Variants in C20orf203 observed in about 807,000 individuals in gnomAD.
C20orf203 encodes the protein uncharacterized protein C20orf203.
In C20orf203, 16 loss-of-function variants were observed where a neutral mutation model predicts 15.9. The observed-to-expected ratio is 1.01, with a 90% confidence interval of 0.68 to 1.53. The LOEUF (loss-of-function observed/expected upper bound fraction) is 1.53. Ranked by LOEUF, C20orf203 falls within the 40% of genes most tolerant of loss-of-function variation. The probability of loss-of-function intolerance (pLI) is 0.00; values close to 1 mark genes in which losing one functional copy is unlikely to be tolerated. For synonymous variants in C20orf203, 98 were observed against 97.2 expected, an observed-to-expected ratio of 1.01 and a Z score of -0.05; for missense variants, 263 against 247.5, an observed-to-expected ratio of 1.06 and a Z score of -0.42.
intron 5 of C20orf203, 87 bp downstream of exon 5, chr20:32,640,479 G>A (rs1388439626): frequency 1.3e-5 from 2 of 152,060 alleles, no homozygotes; most frequent in Non-Finnish European, 2.9e-5. Flanking sequence ...ATCACTTGAG[G>A]TAAAGAGTTT....
At chr20:32,652,347 A>G (rs1436550082) in intron 1 of C20orf203, among the ~76,000 whole-genome samples, 1 of 150,686 alleles carries the variant, frequency 6.6e-6, no homozygotes, top group East Asian at 1.9e-4. Flanking sequence ...AAAAAAAAAA[A>G]AGCAAATACC....
At chr20:32,645,860 G>T (rs1982411677) in intron 4 of C20orf203, among the ~76,000 whole-genome samples, 1 of 152,222 alleles carries the variant, frequency 6.6e-6, no homozygotes, top group Non-Finnish European at 1.5e-5. Flanking sequence ...CTTTTTCCCA[G>T]TCCAGTACAG....
chr20:32,666,797 TTATA>T lies in C20orf203; in HGVS notation c.-264+6831_-264+6834del, dbSNP rs34933326. Among the ~76,000 whole-genome samples, 552 of 65,602 alleles carry T rather than the reference TTATA, an allele frequency of 8.4e-3. 33 individuals carry two copies. Among genetic ancestry groups the T allele is most frequent in the African/African-American group, 0.023 (517 of 22,816 alleles). The allele number at this position is 65,602 out of a possible 152,430, so 43.0% of individuals were successfully genotyped here. The stretch of plus-strand genomic sequence containing the variant: ...AAAAAAAGATGAAATTAATTTTAAT[TTATA>T]TATATATATATATATATATATATAG... On this transcript the variant is annotated intron_variant, in intron 1 of 5. Transcript: ENST00000608990.
intron 4 of C20orf203, among the ~76,000 whole-genome samples, chr20:32,648,428 CTTTTTTTTTTTTTTTT>C (rs56838832): frequency 1.6e-4 from 13 of 80,334 alleles, no homozygotes; most frequent in East Asian, 8.3e-4. Context: ...CTGAAACTGT[CTTTTTTTTTTTTTTTT>C]TTTTTTTTTT....
rs766758220 is a variant in C20orf203, at chr20:32,651,201, G to T, written c.-14-35C>A. 1.2e-4 allele frequency: 60 copies of T among 511,010 alleles called. 2 individuals are homozygous for T. The South Asian group carries it at 1.7e-3, about 14-fold the overall frequency. The allele number at this position is 511,010 out of a possible 1,614,324, so 31.7% of individuals were successfully genotyped here. ...AAAAAAAAAAAAAAAAAATTAGCTG[G>T]GTGTGTTGGCTTGCGCCTGAGGGTT... On this transcript the variant is annotated intron_variant, in intron 2 of 5. Coordinates refer to ENST00000608990, the MANE Select transcript of C20orf203 (RefSeq NM_182584.4).
intron 1 of C20orf203, among the ~76,000 whole-genome samples, chr20:32,669,929 C>T (rs980236460): frequency 1.2e-4 from 19 of 152,338 alleles, no homozygotes; most frequent in Middle Eastern, 3.4e-3. Flanking sequence ...CGGCCGGGCA[C>T]AGTTGCTTAC....
chr20:32,636,750 T>A (rs1600924608), intron 5 of C20orf203, among the ~76,000 whole-genome samples: 1 of 152,296 alleles, frequency 6.6e-6, no homozygotes, highest in Middle Eastern at 3.4e-3. Context: ...CCTGACATCC[T>A]CAGAGAAGTG....
intron 4 of C20orf203, among the ~76,000 whole-genome samples, chr20:32,642,697 G>A (rs1168165464): frequency 6.6e-6 from 1 of 152,102 alleles, no homozygotes; most frequent in African/African-American, 2.4e-5. Context: ...GGCGGGCAGG[G>A]AACTGGTGGG....
At position 32,650,840 on chromosome 20, in the gene C20orf203, G is replaced by T; in HGVS notation, c.177C>A (p.Asp59Glu). 1 of 1,467,650 alleles carries T rather than the reference G, an allele frequency of 6.8e-7. No homozygotes were observed. 90.9% of individuals were successfully genotyped at this position (1,467,650 alleles called of 1,614,324 possible). A position where few individuals can be genotyped will look rare whatever the true frequency, so the allele number is the denominator to read the frequency against. The change falls in exon 4 of 6, where the codon GAC (aspartate) becomes GAA (glutamate). Residue 59 changes from aspartate to glutamate, a missense_variant. Coordinates refer to ENST00000608990, the MANE Select transcript of C20orf203 (RefSeq NM_182584.4). The part of the protein sequence containing the change: ...VLAGLTAHLW[D>E]LGGGAGRRTS... ...TCCTCCTTCCCGCCCCACCGCCAAG[G>T]TCCCAGAGGTGGGCAGTGAGTCCAG...
At position 32,650,828 on chromosome 20, in the gene C20orf203, C is replaced by A; in HGVS notation, c.189G>T (p.Gly63=). 1 of 1,472,706 alleles carries A rather than the reference C, an allele frequency of 6.8e-7. No individual in the cohort carries two copies. Among genetic ancestry groups the A allele is most frequent in the South Asian group, 1.4e-5 (1 of 72,466 alleles). 91.2% of individuals were successfully genotyped at this position (1,472,706 alleles called of 1,614,324 possible). The change falls in exon 4 of 6, where the codon GGG becomes GGT. Residue 63 remains glycine, a synonymous_variant. Coordinates refer to ENST00000608990, the MANE Select transcript of C20orf203 (RefSeq NM_182584.4). ...LTAHLWDLGG[G]AGRRTSKAQR... is the part of the protein sequence containing the mutation. ...GAGCCTTTGAGGTCCTCCTTCCCGC[C>A]CCACCGCCAAGGTCCCAGAGGTGGG...
intron 4 of C20orf203, among the ~76,000 whole-genome samples, chr20:32,643,087 G>A (rs1982328415): frequency 6.6e-6 from 1 of 152,190 alleles, no homozygotes. Context: ...GCCGCCGCAT[G>A]AAGGTGCACC....
chr20:32,637,280 G>A (rs1982162199), intron 5 of C20orf203, among the ~76,000 whole-genome samples: 2 of 152,172 alleles, frequency 1.3e-5, no homozygotes, highest in East Asian at 3.8e-4. Flanking sequence ...GGGCGTGGTG[G>A]CAGGCGCCTA....
At chr20:32,635,540 G>A (rs1316130517) in intron 5 of C20orf203, among the ~76,000 whole-genome samples, 1 of 151,632 alleles carries the variant, frequency 6.6e-6, no homozygotes, top group Non-Finnish European at 1.5e-5. Flanking sequence ...CCTCGGCTGG[G>A]CACCATGGCT....
intron 1 of C20orf203, among the ~76,000 whole-genome samples, chr20:32,658,936 C>T (rs1302544566): frequency 6.6e-6 from 1 of 151,802 alleles, no homozygotes; most frequent in Non-Finnish European, 1.5e-5. Context: ...AGTACAATGG[C>T]GTGATCTCGG....
chr20:32,658,154 C>T (rs899680672), intron 1 of C20orf203, among the ~76,000 whole-genome samples: 10 of 152,074 alleles, frequency 6.6e-5, no homozygotes, highest in African/African-American at 2.2e-4. Flanking sequence ...CTGGCCAACA[C>T]GGTGAAACCC....
chr20:32,640,869 C>T (rs1307953296), intron 4 of C20orf203, among the ~76,000 whole-genome samples, 182 bp from the exon 5 acceptor site: 1 of 152,190 alleles, frequency 6.6e-6, no homozygotes, highest in Non-Finnish European at 1.5e-5. Context: ...CTGGACATTT[C>T]ATACAAATGG....
intron 5 of C20orf203, among the ~76,000 whole-genome samples, chr20:32,634,670 G>A (rs531779485): frequency 6.6e-6 from 1 of 152,134 alleles, no homozygotes; most frequent in South Asian, 2.1e-4. Flanking sequence ...GGCCACCACC[G>A]GCTGGAGTCA....
At chr20:32,634,787 AG>A (rs1360017928) in intron 5 of C20orf203, among the ~76,000 whole-genome samples, 22 of 152,192 alleles carry the variant, frequency 1.4e-4, no homozygotes, top group Non-Finnish European at 7.3e-5. Context: ...ATTTTTTATT[AG>A]GAGACCTACA....
chr20:32,665,209 A>C (rs1340601335), intron 1 of C20orf203, among the ~76,000 whole-genome samples: 1 of 152,104 alleles, frequency 6.6e-6, no homozygotes, highest in African/African-American at 2.4e-5. Context: ...GATTCTGATC[A>C]CCTACTCCTG....
Sources: gnomAD v4.1 joint callset for allele counts (sites outside exome capture counted in the v4.1 genomes callset) on GRCh38, gnomAD v4.1.1 for gene constraint, MANE v1.5 for transcripts, NCBI Gene and HGNC (gene_info 2026-07-23, HGNC 2026-07-21) for gene names.